Variants in PCBD2 observed in about 807,000 individuals in gnomAD.
The protein encoded by PCBD2 is pterin-4 alpha-carbinolamine dehydratase 2.
Under a neutral mutation model 16.4 loss-of-function variants are expected in PCBD2, and 12 were observed. That is an observed-to-expected ratio of 0.73 (90% CI 0.47 to 1.19). The LOEUF (loss-of-function observed/expected upper bound fraction) is 1.19, where lower values mean the gene tolerates loss of function less well. Ranked by LOEUF, PCBD2 falls within the 50% of genes most tolerant of loss-of-function variation. PCBD2 has a pLI of 0.00. For synonymous variants in PCBD2, 58 were observed against 61.8 expected (o/e 0.94, Z 0.29); for missense variants, 138 against 156.8 (o/e 0.88, Z 0.64).
At chr5:134,960,522 T>C (rs1157856342) in intron 3 of PCBD2, 64 bp from the exon 4 acceptor site, 6 of 1,151,568 alleles carry the variant, frequency 5.2e-6, no homozygotes, top group Non-Finnish European at 7.6e-6. Context: ...ATTTCTGAAC[T>C]GCCAAAGGAA....
chr5:134,936,269 G>A (rs1176263960), intron 2 of PCBD2, among the ~76,000 whole-genome samples: 2 of 152,184 alleles, frequency 1.3e-5, no homozygotes, highest in African/African-American at 4.8e-5. Context: ...TCTGTGGAGA[G>A]GAAGAGTAAG....
chr5:134,950,072 A>C (rs180730111), intron 2 of PCBD2, among the ~76,000 whole-genome samples: 27 of 152,328 alleles, frequency 1.8e-4, no homozygotes, highest in Non-Finnish European at 2.9e-4. Context: ...TAGTGTTTTC[A>C]TTTGTAATCA....
Position 134,962,216 on chromosome 5 carries a change from T to G in PCBD2, c.*1535T>G, listed in dbSNP as rs1751486717. On this transcript the variant is annotated 3_prime_UTR_variant, in exon 4 of 4. Coordinates refer to ENST00000254908, the MANE Select transcript of PCBD2 (RefSeq NM_032151.5). Reference sequence around the variant, plus strand: ...AAGTGATCCTCTCACCTCAGCCTCCTGAGTAGCAGCGGTTACAGGCATGCA... The same window carrying G: ...AAGTGATCCTCTCACCTCAGCCTCCGGAGTAGCAGCGGTTACAGGCATGCA... Among the ~76,000 whole-genome samples, 1 of 152,004 alleles carries G rather than the reference T, an allele frequency of 6.6e-6. No individual in the cohort carries two copies. Among genetic ancestry groups the G allele is most frequent in the Non-Finnish European group, 1.5e-5 (1 of 67,990 alleles).
intron 2 of PCBD2, among the ~76,000 whole-genome samples, chr5:134,935,250 TA>T (rs1173677715): frequency 6.6e-6 from 1 of 152,244 alleles, no homozygotes; most frequent in Non-Finnish European, 1.5e-5. Flanking sequence ...GGTTTAAATG[TA>T]ACTGTTGACT....
At chr5:134,929,346 CA>C (rs74273275) in intron 2 of PCBD2, among the ~76,000 whole-genome samples, 31,345 of 91,300 alleles carry the variant, frequency 0.34, 3,520 homozygotes, top group East Asian at 0.58. Context: ...GACCTTGTCT[CA>C]AAAAAAAAAA....
At chr5:134,959,923 C>T (rs1751456886) in intron 3 of PCBD2, among the ~76,000 whole-genome samples, 1 of 112,712 alleles carries the variant, frequency 8.9e-6, no homozygotes, top group Non-Finnish European at 1.6e-5. Flanking sequence ...TGGAGTCTGG[C>T]TCTGTTGCCC....
intron 2 of PCBD2, 150 bp downstream of exon 2, chr5:134,910,616 T>C: frequency 9.6e-7 from 1 of 1,044,938 alleles, no homozygotes; most frequent in South Asian, 1.7e-5. Flanking sequence ...GTGACATCCT[T>C]GTTGACAGTT....
intron 2 of PCBD2, among the ~76,000 whole-genome samples, chr5:134,943,454 C>T (rs1751256385): frequency 6.6e-6 from 1 of 152,202 alleles, no homozygotes; most frequent in South Asian, 2.1e-4. Context: ...AGAATGCCAC[C>T]AGTATTGCAG....
chr5:134,933,865 C>G (rs1465113319), intron 2 of PCBD2, among the ~76,000 whole-genome samples: 1 of 152,176 alleles, frequency 6.6e-6, no homozygotes, highest in Non-Finnish European at 1.5e-5. Context: ...CTTCAAGTTA[C>G]TTGAGACAGC....
intron 2 of PCBD2, among the ~76,000 whole-genome samples, chr5:134,950,743 C>T (rs1159453248): frequency 2.0e-5 from 3 of 152,132 alleles, no homozygotes; most frequent in Non-Finnish European, 2.9e-5. Context: ...CATACTTCAT[C>T]ATACATTCAT....
chr5:134,950,180 A>G (rs1371344581), intron 2 of PCBD2, among the ~76,000 whole-genome samples: 1 of 152,236 alleles, frequency 6.6e-6, no homozygotes, highest in East Asian at 1.9e-4. Context: ...TAGATGTCTA[A>G]TTCATTGAAT....
chr5:134,941,750 GAAA>G (rs1177506204), intron 2 of PCBD2, among the ~76,000 whole-genome samples: 1 of 151,930 alleles, frequency 6.6e-6, no homozygotes. Context: ...AGGGCACAGG[GAAA>G]AAAACTACGT....
In PCBD2 at chr5:134,910,350, A is replaced by G. The variant is rs1279001465; in HGVS notation, c.100A>G (p.Arg34Gly). Residue 34 changes from arginine to glycine, a missense_variant, in exon 2 of 4, where the codon AGG becomes GGG. By Grantham distance (125) the Arg-to-Gly change is moderately radical. Transcript: ENST00000254908. ...GLAAMSSGTH[R>G]LTAEERNQAI... ...CTCTTCATAGTCATCAGGTACTCAC[A>G]GGTTGACTGCAGAGGAGAGGAACCA... 2 of 1,613,968 alleles carry G rather than the reference A, an allele frequency of 1.2e-6. No homozygotes were observed. Among genetic ancestry groups the G allele is most frequent in the Non-Finnish European group, 1.7e-6 (2 of 1,179,898 alleles).
At chr5:134,909,428 A>G (rs1186734065) in intron 1 of PCBD2, among the ~76,000 whole-genome samples, 1 of 152,186 alleles carries the variant, frequency 6.6e-6, no homozygotes, top group Non-Finnish European at 1.5e-5. Flanking sequence ...GTGACAGGAG[A>G]TGGTAATTCC....
intron 2 of PCBD2, chr5:134,925,734 A>C (rs113241775): frequency 5.0e-6 from 2 of 396,382 alleles, no homozygotes; most frequent in Non-Finnish European, 8.9e-6. Flanking sequence ...GGGCTGAGAC[A>C]GGGGTGGGGC....
Position 134,962,494 on chromosome 5 carries a change from C to T in PCBD2, c.*1813C>T, listed in dbSNP as rs1751489866. On this transcript the variant is annotated 3_prime_UTR_variant, in exon 4 of 4. Coordinates refer to ENST00000254908, the MANE Select transcript of PCBD2 (RefSeq NM_032151.5). ...TCTTGAATGCCTGGGCTCAAATGATCTTCCTGCCTTGACCCCCCAAAGTGC... is the reference window on the plus strand; with the variant it reads ...TCTTGAATGCCTGGGCTCAAATGATTTTCCTGCCTTGACCCCCCAAAGTGC... Among the ~76,000 whole-genome samples the T allele has an allele frequency of 6.6e-6, 1 of 152,128 alleles. No individual in the cohort carries two copies. Among genetic ancestry groups the T allele is most frequent in the Non-Finnish European group, 1.5e-5 (1 of 68,020 alleles).
intron 2 of PCBD2, among the ~76,000 whole-genome samples, chr5:134,912,383 G>T (rs1750780082): frequency 3.3e-5 from 5 of 152,216 alleles, no homozygotes; most frequent in Admixed American, 3.3e-4. Flanking sequence ...CACACCTACA[G>T]TCGAACAAGT....
chr5:134,951,454 T>C (rs1265657445), intron 2 of PCBD2, among the ~76,000 whole-genome samples: 2 of 152,184 alleles, frequency 1.3e-5, no homozygotes, highest in African/African-American at 4.8e-5. Flanking sequence ...TTCAAGTCTA[T>C]AGCTATTACA....
chr5:134,934,355 A>G (rs1324935711), intron 2 of PCBD2, among the ~76,000 whole-genome samples: 1 of 152,142 alleles, frequency 6.6e-6, no homozygotes, highest in Non-Finnish European at 1.5e-5. Context: ...ACAACCAGTA[A>G]TGTTGGGCAG....
Sources: gnomAD v4.1 joint callset for allele counts (sites outside exome capture counted in the v4.1 genomes callset) on GRCh38, gnomAD v4.1.1 for gene constraint, MANE v1.5 for transcripts, NCBI Gene and HGNC (gene_info 2026-07-23, HGNC 2026-07-21) for gene names.